Variants in USP21 observed in about 807,000 individuals in gnomAD.
USP21 encodes ubiquitin carboxyl-terminal hydrolase 21.
Under a neutral mutation model 70.8 loss-of-function variants are expected in USP21, and 37 were observed. That is an observed-to-expected ratio of 0.52 (90% CI 0.40 to 0.69). The LOEUF (loss-of-function observed/expected upper bound fraction) is 0.69. Among genes scored for constraint, USP21 ranks in the 30% least tolerant of loss-of-function variants. The pLI, the probability that USP21 is intolerant of heterozygous loss-of-function variation, is 0.00. For missense variants in USP21, 584 were observed against 740.8 expected, an observed-to-expected ratio of 0.79 and a Z score of 2.46; for synonymous variants, 263 against 283.1, an observed-to-expected ratio of 0.93 and a Z score of 0.71.
In USP21 at chr1:161,162,427, CT is replaced by C; in HGVS notation, c.781+42del. On this transcript the variant is annotated intron_variant, in intron 5 of 13. Coordinates refer to ENST00000368002, the MANE Select transcript of USP21 (RefSeq NM_001014443.3). The surrounding 1 kb of genome is among the most constrained non-coding windows in gnomAD (Gnocchi z 4.1). ...ACTCCTGCTCCCTCTGTTCAAGTCC[CT>C]TTTTCCCCAACCACTTGCAGGTCCA... 3.2e-6 allele frequency: 5 copies of C among 1,572,074 alleles called. No homozygotes were observed. The highest frequency in any genetic ancestry group is 3.6e-5 in the Admixed American group (2 of 55,396).
rs372718020 is a variant in USP21, at chr1:161,162,749, G to A, written c.893+23G>A. On this transcript the variant is annotated intron_variant, in intron 6 of 13. Transcript: ENST00000368002. The surrounding 1 kb of genome is among the most constrained non-coding windows in gnomAD (Gnocchi z 4.1). ...CAGGTGGGAGAGCTGGAGGCTATGG[G>A]ATTTCTCTCTGGCCATGTCTGGGGG... The A allele has an allele frequency of 2.9e-5, 47 of 1,600,564 alleles. No individual in the cohort carries two copies. Among genetic ancestry groups the A allele is most frequent in the Non-Finnish European group, 3.9e-5 (46 of 1,167,660 alleles).
Position 161,160,607 on chromosome 1 carries a change from C to T in USP21, c.-21-13C>T. On this transcript the variant is annotated splice_polypyrimidine_tract_variant and intron_variant, in intron 2 of 13. Transcript: ENST00000368002. ...CCCCATATTCAAATGCTGACACTCTCTTCTCCTCCCAGGTCCAGCCTGTGG... is the reference window on the plus strand; with the variant it reads ...CCCCATATTCAAATGCTGACACTCTTTTCTCCTCCCAGGTCCAGCCTGTGG... The T allele has an allele frequency of 2.5e-6, 4 of 1,594,206 alleles. No homozygotes were observed. The highest frequency in any genetic ancestry group is 3.4e-6 in the Non-Finnish European group (4 of 1,166,068).
chr1:161,163,933 C>T lies in USP21; in HGVS notation c.1170C>T (p.Arg390=). The change falls in exon 9 of 14, where the codon CGC becomes CGT. Residue 390 remains arginine (R), a synonymous_variant. Coordinates refer to ENST00000368002, the MANE Select transcript of USP21 (RefSeq NM_001014443.3). ...TCAAGTGCCAGGCCTGTGGGTATCG[C>T]TCCACGACCTTCGAGGTTTTTTGTG... ...SCLKCQACGY[R]STTFEVFCDL... The T allele has an allele frequency of 6.2e-7, 1 of 1,614,168 alleles. No homozygotes were observed. The highest frequency in any genetic ancestry group is 8.5e-7 in the Non-Finnish European group (1 of 1,180,026).
Position 161,163,946 on chromosome 1 carries a change from G to A in USP21, c.1183G>A (p.Glu395Lys), listed in dbSNP as rs749117248. ...QACGYRSTTF[E>K]VFCDLSLPIP... ...CTGTGGGTATCGCTCCACGACCTTC[G>A]AGGTTTTTTGTGACCTGTCCCTGCC... Residue 395 changes from glutamate to lysine, a missense_variant, in exon 9 of 14, where the codon GAG becomes AAG. Glu to Lys is a moderately conservative substitution (Grantham distance 56). Around this residue, in one of 4 missense-constraint regions of USP21, gnomAD observed 173 missense variants for 268.2 expected, o/e 0.65. Transcript: ENST00000368002. 3 of 1,614,108 alleles carry A rather than the reference G, an allele frequency of 1.9e-6. No homozygotes were observed. In the Admixed American group the frequency reaches 5.0e-5, roughly 27 times the overall value.
In USP21 at chr1:161,164,038, A is replaced by G; in HGVS notation, c.1218+57A>G. 6.3e-7 allele frequency: 1 copy of G among 1,590,310 alleles called. No homozygotes were observed. Among genetic ancestry groups the G allele is most frequent in the East Asian group, 2.2e-5 (1 of 44,774 alleles). ...GACAGGGGCTCTGTGACCCAAGCCT[A>G]CCCACCCCCAGAGTGTGGGCGGGAA... On this transcript the variant is annotated intron_variant, in intron 9 of 13. Transcript: ENST00000368002. This position sits in a 1 kb window ranked among gnomAD's most constrained non-coding sequence, Gnocchi z 4.2.
At position 161,162,218 on chromosome 1, in the gene USP21, T is replaced by G; in HGVS notation, c.661-52T>G. The G allele has an allele frequency of 1.9e-6, 3 of 1,611,632 alleles. No homozygotes were observed. The highest frequency in any genetic ancestry group is 2.5e-6 in the Non-Finnish European group (3 of 1,178,294). ...GAGAGCTCTGAAGCTCTTCTAAGGC[T>G]TCCTGGGCAGTGGTCTGGAGAGATA... On this transcript the variant is annotated intron_variant, in intron 4 of 13. Transcript: ENST00000368002. The surrounding 1 kb of genome is among the most constrained non-coding windows in gnomAD (Gnocchi z 4.1).
chr1:161,164,484 C>T lies in USP21; in HGVS notation c.1306-50C>T, dbSNP rs1239436192. ...ATGTGGATCGGGGTGTCAGAAAAGC[C>T]AATTGAGGTTAGGAGCATATTAACC... On this transcript the variant is annotated intron_variant, in intron 10 of 13. Coordinates refer to ENST00000368002, the MANE Select transcript of USP21 (RefSeq NM_001014443.3). The surrounding 1 kb of genome is among the most constrained non-coding windows in gnomAD (Gnocchi z 4.2). 6.2e-7 allele frequency: 1 copy of T among 1,609,248 alleles called. No homozygotes were observed. Among genetic ancestry groups the T allele is most frequent in the Non-Finnish European group, 8.5e-7 (1 of 1,175,910 alleles).
In USP21 at chr1:161,161,572, T is replaced by C. The variant is rs546241054; in HGVS notation, c.600+332T>C. On this transcript the variant is annotated intron_variant, in intron 3 of 13. Transcript: ENST00000368002. The surrounding 1 kb of genome is among the most constrained non-coding windows in gnomAD (Gnocchi z 4.2). ...CCTAGGCCTAATTAATCTCTGGAGC[T>C]AAAGAGAGGCAGGCACAGAACATCT... 2.6e-6 allele frequency: 1 copy of C among 379,786 alleles called. No homozygotes were observed. Among genetic ancestry groups the C allele is most frequent in the Admixed American group, 4.3e-5 (1 of 23,450 alleles). 23.5% of individuals were successfully genotyped at this position (379,786 alleles called of 1,614,324 possible).
Position 161,164,046 on chromosome 1 carries a change from C to A in USP21, c.1218+65C>A, listed in dbSNP as rs1397124370. ...CTCTGTGACCCAAGCCTACCCACCC[C>A]CAGAGTGTGGGCGGGAACCCTGTGG... On this transcript the variant is annotated intron_variant, in intron 9 of 13. Coordinates refer to ENST00000368002, the MANE Select transcript of USP21 (RefSeq NM_001014443.3). The surrounding 1 kb of genome is among the most constrained non-coding windows in gnomAD (Gnocchi z 4.2). The A allele has an allele frequency of 6.3e-7, 1 of 1,579,698 alleles. No individual in the cohort carries two copies. The highest frequency in any genetic ancestry group is 8.7e-7 in the Non-Finnish European group (1 of 1,149,104).
chr1:161,165,522 G>A lies in USP21; in HGVS notation c.*75G>A. On this transcript the variant is annotated 3_prime_UTR_variant, in exon 14 of 14. Transcript: ENST00000368002. ...CAGGCTCCCCGTTTACCTCAGAGAC[G>A]TCTATTTTTGTGTCTTTTTAATCGG... 4.8e-6 allele frequency: 4 copies of A among 833,752 alleles called. No individual in the cohort carries two copies. Among genetic ancestry groups the A allele is most frequent in the Non-Finnish European group, 5.2e-6 (3 of 571,880 alleles). The allele number at this position is 833,752 out of a possible 1,614,324, so 51.6% of individuals were successfully genotyped here.
In USP21 at chr1:161,162,361, G is replaced by A; in HGVS notation, c.752G>A (p.Gly251Glu). The A allele has an allele frequency of 6.2e-7, 1 of 1,613,010 alleles. No homozygotes were observed. The highest frequency in any genetic ancestry group is 8.5e-7 in the Non-Finnish European group (1 of 1,179,450). Reference protein sequence around the residue: ...LRRDFRQEVPGGGRAQELTEA... With the variant: ...LRRDFRQEVPEGGRAQELTEA... ...AGGGACTTCCGGCAAGAGGTGCCTG[G>A]AGGAGGCCGAGCCCAAGAGCTCACT... Residue 251 changes from glycine to glutamate, a missense_variant, in exon 5 of 14, where the codon GGA becomes GAA. Physicochemically the swap from Gly to Glu is moderately conservative, Grantham distance 98 (BLOSUM62 -2). Transcript: ENST00000368002. The surrounding 1 kb of genome is among the most constrained non-coding windows in gnomAD (Gnocchi z 4.1).
Position 161,160,740 on chromosome 1 carries a change from C to G in USP21, c.100C>G (p.Arg34Gly). 1 of 1,614,196 alleles carries G rather than the reference C, an allele frequency of 6.2e-7. No individual in the cohort carries two copies. Among genetic ancestry groups the G allele is most frequent in the African/African-American group, 1.3e-5 (1 of 75,048 alleles). Residue 34 changes from arginine (R) to glycine (G), a missense_variant, in exon 3 of 14, where the codon CGC becomes GGC. Coordinates refer to ENST00000368002, the MANE Select transcript of USP21 (RefSeq NM_001014443.3). ...CAAGCTACCATTTGCCCCCAGGGCC[C>G]GCAGCAAGGAGCGCAGAAACCCAGC... ...GSKLPFAPRA[R>G]SKERRNPASG...
In USP21 at chr1:161,160,484, A is replaced by G; in HGVS notation, c.-44A>G. Reference sequence around the variant, plus strand: ...ACTGAGCCAACCACCTAATGTGGAAATGAGAGGACAGCAAGATTGTGGGTA... The same window carrying G: ...ACTGAGCCAACCACCTAATGTGGAAGTGAGAGGACAGCAAGATTGTGGGTA... On this transcript the variant is annotated 5_prime_UTR_variant, in exon 2 of 14. The change abolishes an upstream ATG in the 5' untranslated region. Transcript: ENST00000368002. The G allele has an allele frequency of 1.1e-6, 1 of 949,002 alleles. No individual in the cohort carries two copies. The highest frequency in any genetic ancestry group is 1.5e-5 in the South Asian group (1 of 65,388). The allele number at this position is 949,002 out of a possible 1,614,324, so 58.8% of individuals were successfully genotyped here. A position where few individuals can be genotyped will look rare whatever the true frequency, so the allele number is the denominator to read the frequency against.
intron 7 of USP21, 88 bp from the exon 8 acceptor site, chr1:161,163,467 G>A (rs1658113362): frequency 2.5e-6 from 3 of 1,215,562 alleles, no homozygotes; most frequent in Non-Finnish European, 3.6e-6. Context: ...GGGGAGTAGG[G>A]CTCTGTAGGT....
chr1:161,160,789 G>C lies in USP21; in HGVS notation c.149G>C (p.Arg50Pro), dbSNP rs115968198. ...NPASGPNPML[R>P]PLPPRPGLPD... Reference sequence around the variant, plus strand: ...GCCTCTGGGCCAAACCCCATGTTACGACCTCTGCCTCCCCGGCCAGGTCTG... The same window carrying C: ...GCCTCTGGGCCAAACCCCATGTTACCACCTCTGCCTCCCCGGCCAGGTCTG... The change falls in exon 3 of 14, where the codon CGA becomes CCA. Residue 50 changes from arginine to proline, a missense_variant. Physicochemically the swap from Arg to Pro is moderately radical, Grantham distance 103. This residue lies in a region of USP21 where 284 missense variants were observed against 281.0 expected (regional missense o/e 1.01). Transcript: ENST00000368002. 13 of 1,614,176 alleles carry C rather than the reference G, an allele frequency of 8.1e-6. No homozygotes were observed. The highest frequency in any genetic ancestry group is 1.3e-5 in the African/African-American group (1 of 75,056).
rs551498235 is a variant in USP21, at chr1:161,165,493, G to A, written c.*46G>A. On this transcript the variant is annotated 3_prime_UTR_variant, in exon 14 of 14. Transcript: ENST00000368002. The stretch of plus-strand genomic sequence containing the variant: ...TGTGAAGCCCTTTAAACACCCTTAA[G>A]CCCCAGGCTCCCCGTTTACCTCAGA... 6.8e-5 allele frequency: 97 copies of A among 1,433,170 alleles called. No homozygotes were observed. The East Asian group carries it at 1.8e-3, about 26-fold the overall frequency. 88.8% of individuals were successfully genotyped at this position (1,433,170 alleles called of 1,614,324 possible). A position where few individuals can be genotyped will look rare whatever the true frequency, so the allele number is the denominator to read the frequency against.
intron 8 of USP21, 60 bp downstream of exon 8, chr1:161,163,679 G>T: frequency 3.5e-6 from 5 of 1,442,068 alleles, no homozygotes; most frequent in South Asian, 1.1e-5. Context: ...ACAGGCTTGG[G>T]GGGAAAAATC....
In USP21 at chr1:161,161,492, T is replaced by C; in HGVS notation, c.600+252T>C. 2.0e-6 allele frequency: 1 copy of C among 487,940 alleles called. No individual in the cohort carries two copies. The highest frequency in any genetic ancestry group is 3.6e-6 in the Non-Finnish European group (1 of 276,212). The allele number at this position is 487,940 out of a possible 1,614,324, so 30.2% of individuals were successfully genotyped here. A position where few individuals can be genotyped will look rare whatever the true frequency, so the allele number is the denominator to read the frequency against. ...TACCCCAACTATTTAGAATTCTTCTTTGGGTCCCCAGGCCCTTCCTTTCCC... is the reference window on the plus strand; with the variant it reads ...TACCCCAACTATTTAGAATTCTTCTCTGGGTCCCCAGGCCCTTCCTTTCCC... On this transcript the variant is annotated intron_variant, in intron 3 of 13. Transcript: ENST00000368002. This position sits in a 1 kb window ranked among gnomAD's most constrained non-coding sequence, Gnocchi z 4.2.
At position 161,165,289 on chromosome 1, in the gene USP21, C is replaced by T. The variant is rs1435742132; in HGVS notation, c.1608-68C>T. 4.7e-6 allele frequency: 7 copies of T among 1,502,730 alleles called. No homozygotes were observed. In the East Asian group the frequency reaches 1.4e-4, roughly 29 times the overall value. The allele number at this position is 1,502,730 out of a possible 1,614,324, so 93.1% of individuals were successfully genotyped here. The stretch of plus-strand genomic sequence containing the variant: ...ATCATTTCCTGGATGCTCTGAGGTT[C>T]GGTCTTGTAGGGAGAAGGGAGTAAA... On this transcript the variant is annotated intron_variant, in intron 13 of 13. Coordinates refer to ENST00000368002, the MANE Select transcript of USP21 (RefSeq NM_001014443.3).
Sources: allele counts gnomAD v4.1 joint callset, GRCh38; gene constraint gnomAD v4.1.1; regional missense constraint gnomAD v4.1.1; non-coding constraint Gnocchi (gnomAD v3.1); transcripts MANE v1.5; gene names NCBI Gene and HGNC (gene_info 2026-07-23, HGNC 2026-07-21).